The following BICC1 variants were observed in gnomAD, a reference collection of about 807,000 sequenced individuals.
BICC1 encodes protein bicaudal C homolog 1.
In BICC1, 43 loss-of-function variants were observed where a neutral mutation model predicts 111.0. That is an observed-to-expected ratio of 0.39 (90% CI 0.30 to 0.50). BICC1 has a LOEUF of 0.50. Ranked by LOEUF, BICC1 falls within the 20% of genes least tolerant of loss-of-function variation. The pLI is 0.88. For missense variants in BICC1, 1,091 were observed against 1,203.2 expected (o/e 0.91, Z 1.38); for synonymous variants, 467 against 434.4 (o/e 1.07, Z -0.93).
chr10:58,611,390 T>C (rs1194143136), intron 1 of BICC1, among the ~76,000 whole-genome samples: 1 of 152,152 alleles, frequency 6.6e-6, no homozygotes, highest in African/African-American at 2.4e-5. Flanking sequence ...TCTAAATACA[T>C]GTTTGTTTAT....
rs1427057176 is a variant in BICC1, at chr10:58,796,342, T to C, written c.1182T>C (p.Ser394=). Reference sequence around the variant, plus strand: ...TCCCCCATTATGTGTTTTCATAGTCTGTGATTGTGAAAAGTGTTGAGCGAA... The same window carrying C: ...TCCCCCATTATGTGTTTTCATAGTCCGTGATTGTGAAAAGTGTTGAGCGAA... The part of the protein sequence containing the change: ...IKPKPKQPSK[S]VIVKSVERNA... Residue 394 remains serine, a splice_region_variant and synonymous_variant, in exon 10 of 21, where the codon TCT becomes TCC. Coordinates refer to ENST00000373886, the MANE Select transcript of BICC1 (RefSeq NM_001080512.3). The C allele has an allele frequency of 6.2e-7, 1 of 1,613,516 alleles. No homozygotes were observed. The highest frequency in any genetic ancestry group is 1.7e-5 in the Admixed American group (1 of 59,968).
At chr10:58,519,079 G>T (rs774149379) in intron 1 of BICC1, among the ~76,000 whole-genome samples, 1 of 152,142 alleles carries the variant, frequency 6.6e-6, no homozygotes, top group Non-Finnish European at 1.5e-5. Context: ...GAAGTCTGGG[G>T]CTAAGCAGTC....
chr10:58,598,715 C>A (rs1844919579), intron 1 of BICC1, among the ~76,000 whole-genome samples: 1 of 152,080 alleles, frequency 6.6e-6, no homozygotes, highest in African/African-American at 2.4e-5. Flanking sequence ...TCAGAGTGAA[C>A]AGGCAACCTA....
intron 1 of BICC1, among the ~76,000 whole-genome samples, chr10:58,571,138 G>T (rs779360814): frequency 6.6e-6 from 1 of 152,008 alleles, no homozygotes; most frequent in South Asian, 2.1e-4. Context: ...TTCATAGACC[G>T]CAAGATTTTA....
intron 1 of BICC1, among the ~76,000 whole-genome samples, chr10:58,515,281 G>A (rs1346940970): frequency 1.3e-5 from 2 of 152,184 alleles, no homozygotes; most frequent in African/African-American, 4.8e-5. Context: ...TAAGGACTAC[G>A]ACTGGGATAC....
chr10:58,771,630 T>C (rs1314348222), intron 3 of BICC1, among the ~76,000 whole-genome samples: 2 of 152,090 alleles, frequency 1.3e-5, no homozygotes, highest in South Asian at 2.1e-4. Context: ...TAGTACAGTA[T>C]CCAGTGGTTT....
intron 5 of BICC1, 99 bp from the exon 6 acceptor site, chr10:58,788,271 C>T: frequency 7.0e-6 from 6 of 859,660 alleles, no homozygotes; most frequent in South Asian, 4.8e-5. Context: ...TGTATTTGTC[C>T]CTGGATGACA....
rs868511553 is a variant in BICC1, at chr10:58,716,077, G to A, written c.307+13934G>A. On this transcript the variant is annotated intron_variant, in intron 3 of 20. Transcript: ENST00000373886. The stretch of plus-strand genomic sequence containing the variant: ...AACTGAGAAAGAAAAGGATATTAAA[G>A]GACTCAGCAAAAAGAGAAAGATGTA... 25 of 1,481,006 alleles carry A rather than the reference G, an allele frequency of 1.7e-5. No homozygotes were observed. In the African/African-American group the frequency reaches 2.1e-4, roughly 12 times the overall value. The allele number at this position is 1,481,006 out of a possible 1,614,324, so 91.7% of individuals were successfully genotyped here.
intron 1 of BICC1, 125 bp from the exon 2 acceptor site, chr10:58,620,730 C>A: frequency 1.3e-6 from 1 of 774,656 alleles, no homozygotes; most frequent in East Asian, 2.6e-5. Flanking sequence ...TATTAGCAGG[C>A]ACTGAGCTGT....
intron 1 of BICC1, among the ~76,000 whole-genome samples, chr10:58,561,727 T>C (rs1649053): frequency 0.31 from 47,476 of 151,946 alleles, 9,246 homozygotes; most frequent in Admixed American, 0.47. Context: ...CAGTTAATTT[T>C]ATACTTTCAT....
chr10:58,623,489 G>T (rs1414738845), intron 2 of BICC1, among the ~76,000 whole-genome samples: 6 of 152,064 alleles, frequency 3.9e-5, no homozygotes, highest in Admixed American at 2.6e-4. Flanking sequence ...CACAATAAAG[G>T]ATAAAATGTA....
intron 17 of BICC1, among the ~76,000 whole-genome samples, chr10:58,812,110 G>A (rs1162323643): frequency 2.0e-5 from 3 of 152,192 alleles, no homozygotes; most frequent in Admixed American, 2.0e-4. Context: ...AAAATGGATT[G>A]TAGGGAGATA....
chr10:58,566,357 T>TAC (rs1564490626), intron 1 of BICC1, among the ~76,000 whole-genome samples: 5 of 152,070 alleles, frequency 3.3e-5, no homozygotes, highest in African/African-American at 1.2e-4. Flanking sequence ...CATATATATA[T>TAC]ACACACACAT....
At position 58,789,203 on chromosome 10, in the gene BICC1, C is replaced by T. The variant is rs7077041; in HGVS notation, c.601-59C>T. Reference sequence around the variant, plus strand: ...CAGAAAAGAACCAATGAATGATACACATGTCTGAATGTCTAATGCTTTAAC... The same window carrying T: ...CAGAAAAGAACCAATGAATGATACATATGTCTGAATGTCTAATGCTTTAAC... On this transcript the variant is annotated intron_variant, in intron 6 of 20. Transcript: ENST00000373886. The T allele has an allele frequency of 2.8e-3, 3,953 of 1,390,398 alleles. 52 individuals are homozygous for T. In the African/African-American group the frequency reaches 0.034, roughly 12 times the overall value. The allele number at this position is 1,390,398 out of a possible 1,614,324, so 86.1% of individuals were successfully genotyped here.
intron 1 of BICC1, among the ~76,000 whole-genome samples, chr10:58,592,852 G>A (rs989526764): frequency 2.2e-5 from 3 of 137,544 alleles, no homozygotes; most frequent in African/African-American, 8.3e-5. Flanking sequence ...ACTCAAGCCT[G>A]GCCACAGAGC....
At chr10:58,616,816 G>A (rs574531557) in intron 1 of BICC1, among the ~76,000 whole-genome samples, 7 of 152,264 alleles carry the variant, frequency 4.6e-5, no homozygotes, top group Non-Finnish European at 1.0e-4. Flanking sequence ...TCACAGTGTT[G>A]CTGCAGGGCT....
intron 3 of BICC1, among the ~76,000 whole-genome samples, chr10:58,783,624 GGTGTGAAA>G (rs1372332502): frequency 6.6e-6 from 1 of 151,810 alleles, no homozygotes; most frequent in African/African-American, 2.4e-5. Context: ...AGGTGTGAAA[GGTGTGAAA>G]GGTGCTCAGT....
Position 58,777,203 on chromosome 10 carries a change from A to G in BICC1, c.308-7798A>G, listed in dbSNP as rs183139263. Reference sequence around the variant, plus strand: ...TTCTAGACTTTTTTGCTGAGCCCCCATAACTCTGTTTCTGATTAAGTAAAC... The same window carrying G: ...TTCTAGACTTTTTTGCTGAGCCCCCGTAACTCTGTTTCTGATTAAGTAAAC... On this transcript the variant is annotated intron_variant, in intron 3 of 20. Transcript: ENST00000373886. Among the ~76,000 whole-genome samples the G allele has an allele frequency of 8.6e-5, 13 of 151,828 alleles. No individual in the cohort carries two copies. The East Asian group carries it at 2.1e-3, about 25-fold the overall frequency.
At chr10:58,748,100 T>C (rs1010539736) in intron 3 of BICC1, among the ~76,000 whole-genome samples, 49 of 152,154 alleles carry the variant, frequency 3.2e-4, no homozygotes, top group African/African-American at 9.9e-4. Context: ...TAGTCTTTAA[T>C]AGTTTATAAC....
Sources: allele counts gnomAD v4.1 joint callset (sites outside exome capture counted in the v4.1 genomes callset), GRCh38; gene constraint gnomAD v4.1.1; transcripts MANE v1.5; gene names NCBI Gene and HGNC (gene_info 2026-07-23, HGNC 2026-07-21).